TGFB1: variants seen among roughly 807,000 people sequenced by gnomAD.
TGFB1 encodes transforming growth factor beta 1, also known as transforming growth factor beta-1 proprotein.
TGFB1 carries 19 observed loss-of-function variants against 43.8 expected under a neutral mutation model. The observed-to-expected ratio is 0.43, with a 90% CI of 0.30 to 0.64. The LOEUF (loss-of-function observed/expected upper bound fraction) is 0.64, where lower values mean the gene tolerates loss of function less well. Ranked by LOEUF, TGFB1 falls within the 30% of genes least tolerant of loss-of-function variation. TGFB1 has a pLI of 0.11. For synonymous variants in TGFB1, 221 were observed against 236.3 expected (o/e 0.94, Z 0.60); for missense variants, 445 against 529.8 (o/e 0.84, Z 1.57).
In TGFB1 at chr19:41,330,600, A is replaced by C; in HGVS notation, c.*452T>G. 6.5e-6 allele frequency: 1 copy of C among 154,256 alleles called. No individual in the cohort carries two copies. Among genetic ancestry groups the C allele is most frequent in the Non-Finnish European group, 1.4e-5 (1 of 69,486 alleles). The allele number at this position is 154,256 out of a possible 1,614,324, so 9.6% of individuals were successfully genotyped here. A position where few individuals can be genotyped will look rare whatever the true frequency, so the allele number is the denominator to read the frequency against. On this transcript the variant is annotated 3_prime_UTR_variant, in exon 7 of 7. Coordinates refer to ENST00000221930, the MANE Select transcript of TGFB1 (RefSeq NM_000660.7). ...TAAAGCAGGTTCCTGGTGGGCAGGA[A>C]CTCCTCCCTTAACCTCTCTGGGCTT... is the stretch of plus-strand genomic sequence containing the variant.
intron 5 of TGFB1, among the ~76,000 whole-genome samples, chr19:41,334,833 C>CAG (rs2037972013): frequency 6.6e-6 from 1 of 151,206 alleles, no homozygotes; most frequent in Non-Finnish European, 1.5e-5. Flanking sequence ...GGTTGGACCT[C>CAG]AGTTTCCTCA....
rs1301240679 is a variant in TGFB1 at position 41,348,309 on chromosome 19, C to T, written c.502G>A (p.Val168Met). 12 of 1,612,952 alleles carry T rather than the reference C, an allele frequency of 7.4e-6. No homozygotes were observed. Among genetic ancestry groups the T allele is most frequent in the African/African-American group, 1.3e-5 (1 of 74,866 alleles). ...CATGTCCTCACCTGGTACAGCTCCA[C>T]GTGCTGCTCCACTTTTAACTTGAGC... is the stretch of plus-strand genomic sequence containing the variant. ...LRLKLKVEQH[V>M]ELYQKYSNNS... Residue 168 changes from valine (V) to methionine (M), a missense_variant, in exon 2 of 7, where the codon GTG becomes ATG. This residue lies in a region of TGFB1 where 366 missense variants were observed against 428.8 expected (regional missense o/e 0.85). Transcript: ENST00000221930.
intron 5 of TGFB1, among the ~76,000 whole-genome samples, chr19:41,338,354 C>T (rs1321668023): frequency 1.3e-5 from 2 of 151,238 alleles, no homozygotes; most frequent in African/African-American, 4.9e-5. Context: ...GTTAGCCGGG[C>T]ATGGTGGCAG....
chr19:41,334,424 CTTTTTT>C (rs750640294), intron 5 of TGFB1, among the ~76,000 whole-genome samples: 16 of 116,970 alleles, frequency 1.4e-4, no homozygotes, highest in South Asian at 6.0e-4. Flanking sequence ...TTGACAATGC[CTTTTTT>C]TTTTTTTTTT....
Position 41,331,536 on chromosome 19 carries a change from C to T in TGFB1, c.1015-326G>A, listed in dbSNP as rs187926803. Among the ~76,000 whole-genome samples the T allele has an allele frequency of 9.3e-5, 14 of 150,746 alleles. No individual in the cohort carries two copies. The East Asian group carries it at 2.0e-3, about 21-fold the overall frequency. On this transcript the variant is annotated intron_variant, in intron 6 of 6. Transcript: ENST00000221930. ...TCCCGCCTCAGCCTCCGGAGTAGCT[C>T]CAACCACAGGCAAGCGCCACCACTC... is the stretch of plus-strand genomic sequence containing the variant.
chr19:41,333,937 T>A (rs764895577), intron 5 of TGFB1, among the ~76,000 whole-genome samples: 5 of 152,270 alleles, frequency 3.3e-5, no homozygotes, highest in Non-Finnish European at 7.3e-5. Flanking sequence ...GGATGAGAGT[T>A]TACGGGCATT....
At chr19:41,336,953 A>AT (rs56403763) in intron 5 of TGFB1, among the ~76,000 whole-genome samples, 22,083 of 140,978 alleles carry the variant, frequency 0.16, 1,889 homozygotes, top group East Asian at 0.33. Flanking sequence ...GTCTCTTAGG[A>AT]TTTTTTTTTT....
rs780197769 is a variant in TGFB1 at position 41,331,171 on chromosome 19, CCGA to C, written c.1051_1053del (p.Ser351del). 1 of 1,551,468 alleles carries C rather than the reference CCGA, an allele frequency of 6.4e-7. No individual in the cohort carries two copies. The highest frequency in any genetic ancestry group is 8.7e-7 in the Non-Finnish European group (1 of 1,150,624). ...GCCTGCGGCACGCAGCACGGCGCCGCCGAGGCGCCCGGGTTATGCTGGTTGTAC... is the reference window on the plus strand; with the variant it reads ...GCCTGCGGCACGCAGCACGGCGCCGCGGCGCCCGGGTTATGCTGGTTGTAC... On this transcript the variant is annotated inframe_deletion, in exon 7 of 7. Transcript: ENST00000221930.
chr19:41,346,985 C>G (rs1275872710), intron 2 of TGFB1, among the ~76,000 whole-genome samples: 2 of 151,886 alleles, frequency 1.3e-5, no homozygotes, highest in African/African-American at 4.8e-5. Flanking sequence ...CCTGGCCTCC[C>G]AAAGTGCTGG....
At chr19:41,342,510 T>C (rs1478329031) in intron 3 of TGFB1, among the ~76,000 whole-genome samples, 1 of 123,314 alleles carries the variant, frequency 8.1e-6, no homozygotes, top group Admixed American at 7.9e-5. Flanking sequence ...CTACCACGCA[T>C]GGCTAATTTT....
At chr19:41,344,891 G>A (rs200413791) in intron 2 of TGFB1, 27 bp from the exon 3 acceptor site, 11 of 1,551,342 alleles carry the variant, frequency 7.1e-6, no homozygotes, top group Non-Finnish European at 9.6e-6. Context: ...GCAGGAGAGA[G>A]ACAGTGGGTA....
chr19:41,345,079 C>A (rs10405403), intron 2 of TGFB1, among the ~76,000 whole-genome samples: 1 of 152,180 alleles, frequency 6.6e-6, no homozygotes, highest in Non-Finnish European at 1.5e-5. Context: ...GCTCAGGCTG[C>A]GGTCAAGTCA....
chr19:41,352,669 C>A, intron 1 of TGFB1, 21 bp downstream of exon 1: 2 of 1,611,764 alleles, frequency 1.2e-6, no homozygotes, highest in Non-Finnish European at 1.7e-6. Context: ...CCTCCCGGCT[C>A]CCCTGCCCCT....
At chr19:41,335,760 C>T (rs1258919283) in intron 5 of TGFB1, among the ~76,000 whole-genome samples, 1 of 152,084 alleles carries the variant, frequency 6.6e-6, no homozygotes, top group Non-Finnish European at 1.5e-5. Context: ...AAGCCAAGAC[C>T]GGTGAATCGC....
intron 5 of TGFB1, among the ~76,000 whole-genome samples, chr19:41,338,700 G>A (rs1168808550): frequency 1.1e-4 from 17 of 151,612 alleles, no homozygotes; most frequent in Non-Finnish European, 2.4e-4. Context: ...TTAGCTGGGC[G>A]TGGCGGTGGG....
chr19:41,333,625 T>C (rs1418950503), intron 5 of TGFB1, among the ~76,000 whole-genome samples: 2 of 152,160 alleles, frequency 1.3e-5, no homozygotes, highest in Non-Finnish European at 2.9e-5. Flanking sequence ...TCCCAAAGCA[T>C]TGGGATTACT....
intron 5 of TGFB1, among the ~76,000 whole-genome samples, chr19:41,337,567 A>G (rs1006809599): frequency 1.3e-5 from 2 of 152,130 alleles, no homozygotes; most frequent in African/African-American, 2.4e-5. Context: ...GTGAGCTACC[A>G]TACCTGGCCT....
intron 5 of TGFB1, among the ~76,000 whole-genome samples, chr19:41,338,640 A>G (rs908485922): frequency 6.6e-6 from 1 of 151,992 alleles, no homozygotes; most frequent in Non-Finnish European, 1.5e-5. Context: ...GGAGTTCAAG[A>G]CCAGCCTGGG....
chr19:41,338,070 A>C (rs1196460556), intron 5 of TGFB1, among the ~76,000 whole-genome samples: 1 of 150,920 alleles, frequency 6.6e-6, no homozygotes, highest in Non-Finnish European at 1.5e-5. Context: ...CGGATGCCTG[A>C]AATCACAGCT....
Sources: gnomAD v4.1 joint callset for allele counts (sites outside exome capture counted in the v4.1 genomes callset) on GRCh38, gnomAD v4.1.1 for gene constraint, gnomAD v4.1.1 regional missense constraint, MANE v1.5 for transcripts, NCBI Gene and HGNC (gene_info 2026-07-23, HGNC 2026-07-21) for gene names.